SUPV3L1: variants seen among roughly 807,000 people sequenced by gnomAD.
SUPV3L1 encodes the protein Suv3 like RNA helicase, also known as ATP-dependent RNA helicase SUPV3L1, mitochondrial.
In SUPV3L1, 35 loss-of-function variants were observed where a neutral mutation model predicts 70.0. The ratio of observed to expected loss-of-function variants is 0.50; its 90% CI spans 0.38 to 0.66. The LOEUF (loss-of-function observed/expected upper bound fraction) is 0.66. Ranked by LOEUF, SUPV3L1 falls within the 30% of genes least tolerant of loss-of-function variation. The probability of loss-of-function intolerance (pLI) is 0.00; values close to 1 mark genes in which losing one functional copy is unlikely to be tolerated. For missense variants in SUPV3L1, 777 were observed against 961.5 expected (o/e 0.81, Z 2.54); for synonymous variants, 364 against 341.9 (o/e 1.06, Z -0.71).
chr10:69,200,122 T>A (rs986895968), intron 10 of SUPV3L1, among the ~76,000 whole-genome samples, 158 bp from the exon 11 acceptor site: 1 of 152,150 alleles, frequency 6.6e-6, no homozygotes, highest in Non-Finnish European at 1.5e-5. Flanking sequence ...GCTGGGATTA[T>A]GGGTGTGAGC....
At position 69,180,473 on chromosome 10, in the gene SUPV3L1, C is replaced by G. The variant is rs998559211; in HGVS notation, c.182C>G (p.Thr61Arg). The G allele has an allele frequency of 2.5e-5, 41 of 1,614,136 alleles. No homozygotes were observed. The highest frequency in any genetic ancestry group is 3.4e-5 in the Non-Finnish European group (40 of 1,180,054). ...TCCGGTGGCTCCAAAATACCAAACA[C>G]GTCCTTGTTCGTGCCCCTGACTGTG... ...SASGGSKIPN[T>R]SLFVPLTVKP... The change falls in exon 1 of 15, where the codon ACG (threonine) becomes AGG (arginine). Residue 61 changes from threonine to arginine, a missense_variant. Physicochemically the swap from Thr to Arg is moderately conservative, Grantham distance 71. Around this residue, in one of 2 missense-constraint regions of SUPV3L1, gnomAD observed 158 missense variants for 138.3 expected, o/e 1.14. Transcript: ENST00000359655.
At chr10:69,193,180 C>T (rs1248627684) in intron 6 of SUPV3L1, 2 of 152,076 alleles carry the variant, frequency 1.3e-5, no homozygotes, top group Admixed American at 6.6e-5. Context: ...ATATATTTTC[C>T]AGACTTTGTT....
Position 69,187,208 on chromosome 10 carries a change from A to T in SUPV3L1, c.458-434A>T, listed in dbSNP as rs1842253848. On this transcript the variant is annotated intron_variant, in intron 3 of 14. Coordinates refer to ENST00000359655, the MANE Select transcript of SUPV3L1 (RefSeq NM_003171.5). Reference sequence around the variant, plus strand: ...AATCTTTGCCTGTTTGTACTAAAGGAGTAGGACGTGGTGGTTGCTAGCCAA... The same window carrying T: ...AATCTTTGCCTGTTTGTACTAAAGGTGTAGGACGTGGTGGTTGCTAGCCAA... Among the ~76,000 whole-genome samples the T allele has an allele frequency of 2.0e-5, 3 of 152,238 alleles. No homozygotes were observed. In the South Asian group the frequency reaches 6.2e-4, roughly 31 times the overall value.
At chr10:69,200,740 G>C (rs944622250) in intron 11 of SUPV3L1, among the ~76,000 whole-genome samples, 4 of 152,230 alleles carry the variant, frequency 2.6e-5, no homozygotes, top group Admixed American at 2.0e-4. Context: ...TAGTGAGCCT[G>C]ATTTGCCTTT....
chr10:69,199,054 G>A (rs1246398823), intron 9 of SUPV3L1, 50 bp from the exon 10 acceptor site: 1 of 1,420,064 alleles, frequency 7.0e-7, no homozygotes, highest in Non-Finnish European at 9.8e-7. Flanking sequence ...TTAGCTTGAT[G>A]TAATAAAAGA....
In SUPV3L1 at chr10:69,186,023, G is replaced by C. The variant is rs1219323771; in HGVS notation, c.308G>C (p.Arg103Thr). 3 of 1,613,728 alleles carry C rather than the reference G, an allele frequency of 1.9e-6. No individual in the cohort carries two copies. Among genetic ancestry groups the C allele is most frequent in the Non-Finnish European group, 2.5e-6 (3 of 1,179,886 alleles). Residue 103 changes from arginine (R) to threonine (T), a missense_variant, in exon 2 of 15, where the codon AGG becomes ACG. By Grantham distance (71) the Arg-to-Thr change is moderately conservative. Coordinates refer to ENST00000359655, the MANE Select transcript of SUPV3L1 (RefSeq NM_003171.5). ...AAGGTCTTAGACAAATTTTACAAGAGGAAAGAAATTCAGAAACTGGGTGCT... is the reference window on the plus strand; with the variant it reads ...AAGGTCTTAGACAAATTTTACAAGACGAAAGAAATTCAGAAACTGGGTGCT... ...VKKVLDKFYKRKEIQKLGADY... is the reference protein window; with the variant it reads ...VKKVLDKFYKTKEIQKLGADY...
intron 5 of SUPV3L1, among the ~76,000 whole-genome samples, chr10:69,190,837 TATG>T (rs1340734628): frequency 1.3e-5 from 2 of 152,224 alleles, no homozygotes; most frequent in African/African-American, 4.8e-5. Flanking sequence ...TTCAGGCTAT[TATG>T]ATGACCAGCC....
At chr10:69,182,698 AT>A (rs1428567460) in intron 1 of SUPV3L1, 1 of 984,974 alleles carries the variant, frequency 1.0e-6, no homozygotes, top group Non-Finnish European at 1.2e-6. Context: ...CAGATGTTGA[AT>A]TTACTAGAAT....
intron 1 of SUPV3L1, among the ~76,000 whole-genome samples, chr10:69,183,516 A>G (rs1009315466): frequency 6.6e-6 from 1 of 152,096 alleles, no homozygotes; most frequent in Non-Finnish European, 1.5e-5. Context: ...CCATCTCTAC[A>G]AAAAATACAG....
At chr10:69,202,701 C>G (rs548982099) in intron 12 of SUPV3L1, among the ~76,000 whole-genome samples, 166 bp from the exon 13 acceptor site, 3 of 152,290 alleles carry the variant, frequency 2.0e-5, no homozygotes, top group South Asian at 4.1e-4. Flanking sequence ...GGAATTTCCT[C>G]TCAGTATTTC....
chr10:69,189,158 C>A, intron 4 of SUPV3L1, 109 bp from the exon 5 acceptor site: 1 of 1,193,658 alleles, frequency 8.4e-7, no homozygotes, highest in Non-Finnish European at 1.1e-6. Flanking sequence ...AAGACTTGAT[C>A]TTGTGAACAT....
Position 69,198,450 on chromosome 10 carries a change from G to T in SUPV3L1, c.1102G>T (p.Asp368Tyr). Residue 368 changes from aspartate (D) to tyrosine (Y), a missense_variant, in exon 9 of 15, where the codon GAC becomes TAC. By Grantham distance (160) the Asp-to-Tyr change is radical (BLOSUM62 -3). Coordinates refer to ENST00000359655, the MANE Select transcript of SUPV3L1 (RefSeq NM_003171.5). ...LESLDNLRPG[D>Y]CIVCFSKNDI... ...ATCTTTAGATAACCTTCGGCCTGGG[G>T]ACTGCATTGTCTGTTTTAGCAAGAA... The T allele has an allele frequency of 6.2e-7, 1 of 1,614,042 alleles. No homozygotes were observed. The highest frequency in any genetic ancestry group is 8.5e-7 in the Non-Finnish European group (1 of 1,180,006).
In SUPV3L1 at chr10:69,208,939, G is replaced by A. The variant is rs1217374137; in HGVS notation, c.2265G>A (p.Trp755Ter). Residue 755 changes from tryptophan to a stop codon, truncating the protein, a stop_gained, in exon 15 of 15, where the codon TGG becomes TGA. Coordinates refer to ENST00000359655, the MANE Select transcript of SUPV3L1 (RefSeq NM_003171.5). LOFTEE classifies it low-confidence loss of function (END_TRUNC). Reference protein sequence around the residue: ...PDMLKQLEKEWMTQQTEHNKE... With the variant: ...PDMLKQLEKE ...TGCTGAAACAGCTAGAAAAAGAGTG[G>A]ATGACACAACAAACTGAACACAACA... 1.2e-6 allele frequency: 2 copies of A among 1,613,890 alleles called. No individual in the cohort carries two copies. Among genetic ancestry groups the A allele is most frequent in the Non-Finnish European group, 1.7e-6 (2 of 1,180,028 alleles).
chr10:69,204,875 G>A (rs1295094315), intron 13 of SUPV3L1, among the ~76,000 whole-genome samples: 1 of 151,898 alleles, frequency 6.6e-6, no homozygotes, highest in Non-Finnish European at 1.5e-5. Flanking sequence ...CTGGGTTCAA[G>A]CGATTCTCGT....
rs930205877 is a variant in SUPV3L1 at position 69,207,855 on chromosome 10, A to G, written c.1839A>G (p.Lys613=). The G allele has an allele frequency of 3.7e-6, 6 of 1,614,042 alleles. No individual in the cohort carries two copies. In the African/African-American group the frequency reaches 6.7e-5, roughly 18 times the overall value. ...TTGCATGGTTACGCCGATACATCAA[A>G]TGGCCTTTACTTCCACCTAAGAATA... is the stretch of plus-strand genomic sequence containing the variant. ...LTFAWLRRYI[K]WPLLPPKNIK... Residue 613 remains lysine (K), a synonymous_variant, in exon 14 of 15, where the codon AAA becomes AAG. Transcript: ENST00000359655.
chr10:69,182,258 G>A (rs1842087548), intron 1 of SUPV3L1, among the ~76,000 whole-genome samples: 1 of 152,010 alleles, frequency 6.6e-6, no homozygotes, highest in Admixed American at 6.6e-5. Context: ...GCCTCCCAAA[G>A]CCCTGAGATT....
intron 9 of SUPV3L1, 52 bp downstream of exon 9, chr10:69,198,604 T>G (rs1329210771): frequency 1.5e-5 from 23 of 1,551,442 alleles, no homozygotes; most frequent in Non-Finnish European, 1.9e-5. Context: ...ATCTTTGCAA[T>G]TTATGTTGAG....
intron 4 of SUPV3L1, among the ~76,000 whole-genome samples, 165 bp from the exon 5 acceptor site, chr10:69,189,102 A>G (rs1440421705): frequency 6.6e-6 from 1 of 152,222 alleles, no homozygotes; most frequent in Non-Finnish European, 1.5e-5. Context: ...CTTGGAAACC[A>G]GTCATTATTT....
chr10:69,185,073 G>A lies in SUPV3L1; in HGVS notation c.272-914G>A, dbSNP rs200191275. Reference sequence around the variant, plus strand: ...CCAATAGCATAGACATTTCTCTGCCGTCACCCTTGACAGTCATCTAACCCT... The same window carrying A: ...CCAATAGCATAGACATTTCTCTGCCATCACCCTTGACAGTCATCTAACCCT... On this transcript the variant is annotated intron_variant, in intron 1 of 14. Transcript: ENST00000359655. 2.8e-4 allele frequency among the ~76,000 whole-genome samples: 43 copies of A among 152,186 alleles called. No individual in the cohort carries two copies. In the East Asian group the frequency reaches 4.6e-3, roughly 16 times the overall value.
Sources: allele counts gnomAD v4.1 joint callset (sites outside exome capture counted in the v4.1 genomes callset), GRCh38; gene constraint gnomAD v4.1.1; regional missense constraint gnomAD v4.1.1; transcripts MANE v1.5; gene names NCBI Gene and HGNC (gene_info 2026-07-23, HGNC 2026-07-21).